KLHL3: variants seen among roughly 807,000 people sequenced by gnomAD.
KLHL3 encodes the protein kelch-like protein 3.
Under a neutral mutation model 70.5 loss-of-function variants are expected in KLHL3, and 19 were observed. That is an observed-to-expected ratio of 0.27 (90% CI 0.19 to 0.40). The LOEUF is 0.40. Among genes scored for constraint, KLHL3 ranks in the 10% least tolerant of loss-of-function variants. The probability of loss-of-function intolerance (pLI) is 1.00; values close to 1 mark genes in which losing one functional copy is unlikely to be tolerated. For missense variants in KLHL3, 512 were observed against 771.1 expected, an observed-to-expected ratio of 0.66 and a Z score of 3.98; for synonymous variants, 258 against 290.3, an observed-to-expected ratio of 0.89 and a Z score of 1.13.
chr5:137,670,966 C>T (rs1751741777), intron 6 of KLHL3, among the ~76,000 whole-genome samples: 1 of 76,236 alleles, frequency 1.3e-5, no homozygotes, highest in Non-Finnish European at 2.5e-5. Context: ...AGCGAGACTC[C>T]ACCTCAAAAA....
In KLHL3 at chr5:137,683,782, T is replaced by A. The variant is rs114210640; in HGVS notation, c.527-6128A>T. Among the ~76,000 whole-genome samples, 42 of 114,760 alleles carry A rather than the reference T, an allele frequency of 3.7e-4. 1 individual carries two copies. The highest frequency in any genetic ancestry group is 1.4e-3 in the East Asian group (5 of 3,666). The allele number at this position is 114,760 out of a possible 152,430, so 75.3% of individuals were successfully genotyped here. ...AGCTCTCTTTCTCTCTCTCTCTCTC[T>A]CTCACACACACACATGCACGCGCAC... On this transcript the variant is annotated intron_variant, in intron 5 of 14. Coordinates refer to ENST00000309755, the MANE Select transcript of KLHL3 (RefSeq NM_017415.3).
intron 4 of KLHL3, among the ~76,000 whole-genome samples, chr5:137,694,784 G>A (rs1296384912): frequency 6.6e-6 from 1 of 152,146 alleles, no homozygotes; most frequent in Non-Finnish European, 1.5e-5. Flanking sequence ...GGCAAAATAG[G>A]ATAGGTGTTC....
At chr5:137,668,104 T>C (rs1217215579) in intron 6 of KLHL3, among the ~76,000 whole-genome samples, 2 of 152,100 alleles carry the variant, frequency 1.3e-5, no homozygotes, top group Non-Finnish European at 2.9e-5. Flanking sequence ...AGAGACACAA[T>C]TAATTTTAAA....
chr5:137,733,933 G>A (rs895249459), intron 1 of KLHL3, among the ~76,000 whole-genome samples: 2 of 152,214 alleles, frequency 1.3e-5, no homozygotes, highest in Non-Finnish European at 2.9e-5. Context: ...ATTGGAAGCT[G>A]CTCGGTTTGG....
chr5:137,662,254 CA>C (rs1751499287), intron 6 of KLHL3, among the ~76,000 whole-genome samples: 1 of 150,612 alleles, frequency 6.6e-6, no homozygotes, highest in Non-Finnish European at 1.5e-5. Flanking sequence ...CACACACACA[CA>C]CACACACACA....
At chr5:137,695,931 A>T (rs1752435251) in intron 4 of KLHL3, among the ~76,000 whole-genome samples, 1 of 152,206 alleles carries the variant, frequency 6.6e-6, no homozygotes, top group Admixed American at 6.5e-5. Context: ...CCGTAAGTCA[A>T]AAATCTTCTA....
chr5:137,726,517 C>T (rs1006016079), intron 1 of KLHL3, among the ~76,000 whole-genome samples: 10 of 152,190 alleles, frequency 6.6e-5, no homozygotes, highest in East Asian at 1.9e-4. Flanking sequence ...ATGAAACCCT[C>T]GGGATACATC....
chr5:137,665,793 G>A (rs1751599093), intron 6 of KLHL3, among the ~76,000 whole-genome samples: 2 of 151,846 alleles, frequency 1.3e-5, no homozygotes, highest in South Asian at 2.1e-4. Flanking sequence ...ACTTGGCCCT[G>A]TTTTCTAATT....
At chr5:137,669,528 T>C (rs1751698450) in intron 6 of KLHL3, among the ~76,000 whole-genome samples, 1 of 152,216 alleles carries the variant, frequency 6.6e-6, no homozygotes, top group Admixed American at 6.5e-5. Context: ...AAATTGTTCT[T>C]CAGCTTTCTA....
intron 5 of KLHL3, among the ~76,000 whole-genome samples, chr5:137,688,576 G>T (rs1752245297): frequency 6.6e-6 from 1 of 152,176 alleles, no homozygotes; most frequent in African/African-American, 2.4e-5. Context: ...GCCAACTCTA[G>T]CCACATGCAC....
intron 14 of KLHL3, 41 bp from the exon 15 acceptor site, chr5:137,622,167 C>G (rs1347684457): frequency 6.2e-7 from 1 of 1,609,416 alleles, no homozygotes; most frequent in Non-Finnish European, 8.5e-7. Flanking sequence ...TTAGCTTCTC[C>G]AAAATTACTC....
chr5:137,637,833 C>T (rs1175159489), intron 10 of KLHL3, among the ~76,000 whole-genome samples: 3 of 152,234 alleles, frequency 2.0e-5, no homozygotes, highest in African/African-American at 7.2e-5. Flanking sequence ...TCAATGAGAC[C>T]TAAGCAGAAG....
At chr5:137,690,216 A>G (rs1380759186) in intron 5 of KLHL3, among the ~76,000 whole-genome samples, 1 of 151,692 alleles carries the variant, frequency 6.6e-6, no homozygotes, top group African/African-American at 2.4e-5. Flanking sequence ...AGTCCCAGCT[A>G]CTCGGGAGGC....
chr5:137,682,642 A>G (rs1270086997), intron 5 of KLHL3, among the ~76,000 whole-genome samples: 3 of 152,126 alleles, frequency 2.0e-5, no homozygotes, highest in Non-Finnish European at 4.4e-5. Flanking sequence ...AAGCCCCCCA[A>G]ACAAGATATA....
Position 137,619,731 on chromosome 5 carries a change from G to C in KLHL3, c.*2367C>G, listed in dbSNP as rs980015387. On this transcript the variant is annotated 3_prime_UTR_variant, in exon 15 of 15. Transcript: ENST00000309755. ...ATGAGGATGGAGTGCACATGGCCTT[G>C]GCAGCACGCCCAGTAGAGGCAGTGC... 1 of 152,844 alleles carries C rather than the reference G, an allele frequency of 6.5e-6. No individual in the cohort carries two copies. Among genetic ancestry groups the C allele is most frequent in the Non-Finnish European group, 1.5e-5 (1 of 68,080 alleles). The allele number at this position is 152,844 out of a possible 1,614,324, so 9.5% of individuals were successfully genotyped here.
chr5:137,629,996 C>T (rs1750594797), intron 12 of KLHL3: 1 of 152,180 alleles, frequency 6.6e-6, no homozygotes, highest in African/African-American at 2.4e-5. Flanking sequence ...GCAGCCGTTT[C>T]CTGGACCTAG....
intron 6 of KLHL3, among the ~76,000 whole-genome samples, chr5:137,672,137 T>A (rs1477033254): frequency 6.6e-6 from 1 of 152,212 alleles, no homozygotes; most frequent in Non-Finnish European, 1.5e-5. Context: ...GTTGGCAAGC[T>A]GAGAAGCTGG....
chr5:137,660,996 C>A (rs1279437451), intron 7 of KLHL3: 3 of 152,332 alleles, frequency 2.0e-5, no homozygotes, highest in Non-Finnish European at 4.4e-5. Context: ...TCCAGAGACT[C>A]CTTGGAGACA....
chr5:137,650,838 A>G (rs541047458), intron 8 of KLHL3, among the ~76,000 whole-genome samples: 3 of 151,520 alleles, frequency 2.0e-5, no homozygotes, highest in Admixed American at 2.0e-4. Context: ...AAAAAAAAAA[A>G]GTAATGAATT....
Sources: gnomAD v4.1 joint callset for allele counts (sites outside exome capture counted in the v4.1 genomes callset) on GRCh38, gnomAD v4.1.1 for gene constraint, MANE v1.5 for transcripts, NCBI Gene and HGNC (gene_info 2026-07-23, HGNC 2026-07-21) for gene names.